The following ANO2 variants were observed in gnomAD, a reference collection of about 807,000 sequenced individuals.
ANO2 encodes the protein anoctamin 2, also known as anoctamin-2.
ANO2 carries 101 observed loss-of-function variants against 124.2 expected under a neutral mutation model. The ratio of observed to expected loss-of-function variants is 0.81; its 90% CI spans 0.69 to 0.96. The LOEUF (loss-of-function observed/expected upper bound fraction) is 0.96, where lower values mean the gene tolerates loss of function less well. Among genes scored for constraint, ANO2 ranks in the 40% least tolerant of loss-of-function variants. The probability of loss-of-function intolerance (pLI) is 0.00; values close to 1 mark genes in which losing one functional copy is unlikely to be tolerated. For synonymous variants in ANO2, 486 were observed against 482.5 expected (o/e 1.01, Z -0.09); for missense variants, 1,293 against 1,274.5 (o/e 1.01, Z -0.22).
chr12:5,798,826 C>G (rs1379033503), intron 10 of ANO2, among the ~76,000 whole-genome samples: 2 of 152,252 alleles, frequency 1.3e-5, no homozygotes, highest in Non-Finnish European at 2.9e-5. Context: ...TCACACAGTG[C>G]TGCCGCCCAA....
intron 6 of ANO2, among the ~76,000 whole-genome samples, chr12:5,828,033 CA>C (rs1954035986): frequency 1.3e-5 from 2 of 152,220 alleles, no homozygotes; most frequent in African/African-American, 2.4e-5. Context: ...CCCGCGCACA[CA>C]TCCCCCGCCC....
At position 5,923,149 on chromosome 12, in the gene ANO2, CAT is replaced by C. The variant is rs1391210179; in HGVS notation, c.23-347_23-346del. On this transcript the variant is annotated intron_variant, in intron 1 of 24. Transcript: ENST00000682330. The stretch of plus-strand genomic sequence containing the variant: ...ACACCCACATACACACACATGCACA[CAT>C]ACACACACGCATACACACACACGCA... Among the ~76,000 whole-genome samples, 10 of 118,882 alleles carry C rather than the reference CAT, an allele frequency of 8.4e-5. 1 individual carries two copies. The highest frequency in any genetic ancestry group is 3.4e-4 in the South Asian group (1 of 2,924). 78.0% of individuals were successfully genotyped at this position (118,882 alleles called of 152,430 possible).
chr12:5,799,265 G>A (rs571423064), intron 10 of ANO2, among the ~76,000 whole-genome samples: 1 of 152,284 alleles, frequency 6.6e-6, no homozygotes, highest in South Asian at 2.1e-4. Flanking sequence ...CAATGTTGAA[G>A]ACCTCAAGGT....
At chr12:5,758,299 G>C (rs1413494316) in intron 10 of ANO2, among the ~76,000 whole-genome samples, 1 of 152,166 alleles carries the variant, frequency 6.6e-6, no homozygotes, top group Non-Finnish European at 1.5e-5. Context: ...ACCAGTAAAG[G>C]ACAGAGTTTA....
At chr12:5,676,280 C>A (rs1048828846) in intron 14 of ANO2, among the ~76,000 whole-genome samples, 1 of 152,222 alleles carries the variant, frequency 6.6e-6, no homozygotes, top group Non-Finnish European at 1.5e-5. Flanking sequence ...ATGAAAAGAA[C>A]ACTCAGCCAT....
chr12:5,726,370 C>T (rs1950440469), intron 14 of ANO2, among the ~76,000 whole-genome samples: 1 of 152,134 alleles, frequency 6.6e-6, no homozygotes, highest in Non-Finnish European at 1.5e-5. Context: ...TGTCTCTCAC[C>T]CATCTTTCCA....
chr12:5,678,794 T>C (rs945149687), intron 14 of ANO2, among the ~76,000 whole-genome samples: 2 of 152,226 alleles, frequency 1.3e-5, no homozygotes, highest in South Asian at 2.1e-4. Context: ...AGCTTAAAAT[T>C]TGCAGATATC....
intron 10 of ANO2, among the ~76,000 whole-genome samples, chr12:5,788,583 C>T (rs879755484): frequency 4.8e-5 from 7 of 145,040 alleles, no homozygotes; most frequent in East Asian, 2.0e-4. Context: ...TTTTTGGAGA[C>T]GGAGTCTAAC....
rs1945407813 is a variant in ANO2 at position 5,626,423 on chromosome 12, G to C, written c.1816+8729C>G. On this transcript the variant is annotated intron_variant, in intron 16 of 24. Transcript: ENST00000682330. ...GGAGAAGACTGTCCTCCCTGGAAGA[G>C]CCCATGCTGTCCAGGCCTGGAGTAC... 2.0e-5 allele frequency among the ~76,000 whole-genome samples: 3 copies of C among 152,236 alleles called. No individual in the cohort carries two copies. In the South Asian group the frequency reaches 6.2e-4, roughly 32 times the overall value.
At chr12:5,697,240 T>C (rs1949218453) in intron 14 of ANO2, among the ~76,000 whole-genome samples, 1 of 152,086 alleles carries the variant, frequency 6.6e-6, no homozygotes, top group South Asian at 2.1e-4. Context: ...AAGACCATCC[T>C]GGCCAACATG....
intron 10 of ANO2, among the ~76,000 whole-genome samples, chr12:5,752,164 A>C (rs537342089): frequency 1.3e-3 from 197 of 152,356 alleles, no homozygotes; most frequent in Non-Finnish European, 2.2e-3. Flanking sequence ...AATTGTGAAT[A>C]ATGCTGCTAT....
intron 10 of ANO2, among the ~76,000 whole-genome samples, chr12:5,756,679 G>C (rs1951592246): frequency 6.6e-6 from 1 of 152,230 alleles, no homozygotes; most frequent in Admixed American, 6.5e-5. Context: ...CTGCTGCTGG[G>C]TATGTGGGCA....
chr12:5,697,550 C>G (rs991388064), intron 14 of ANO2, among the ~76,000 whole-genome samples: 5 of 152,242 alleles, frequency 3.3e-5, no homozygotes, highest in African/African-American at 1.2e-4. Context: ...CGGATGATTT[C>G]TGCATTTCCA....
chr12:5,661,954 A>G (rs1332590779), intron 14 of ANO2, among the ~76,000 whole-genome samples: 3 of 152,222 alleles, frequency 2.0e-5, no homozygotes, highest in Non-Finnish European at 4.4e-5. Context: ...GCATGGTGTC[A>G]ACACAGGATC....
At chr12:5,603,671 C>T (rs1348223465) in intron 19 of ANO2, among the ~76,000 whole-genome samples, 4 of 152,174 alleles carry the variant, frequency 2.6e-5, no homozygotes, top group African/African-American at 7.2e-5. Flanking sequence ...TGAGGCCGGG[C>T]GCAGTGGCTC....
At chr12:5,887,230 G>A (rs1938985437) in intron 3 of ANO2, among the ~76,000 whole-genome samples, 1 of 152,144 alleles carries the variant, frequency 6.6e-6, no homozygotes, top group Admixed American at 6.5e-5. Flanking sequence ...CACACATAAA[G>A]AGGAGATACA....
chr12:5,732,836 C>T, intron 13 of ANO2: 1 of 1,613,824 alleles, frequency 6.2e-7, no homozygotes, highest in Non-Finnish European at 8.5e-7. Flanking sequence ...AAGGGACACA[C>T]AACACTCGTT....
At chr12:5,582,084 T>C (rs1318783006) in intron 20 of ANO2, among the ~76,000 whole-genome samples, 1 of 152,250 alleles carries the variant, frequency 6.6e-6, no homozygotes, top group Non-Finnish European at 1.5e-5. Context: ...TACCGGCTTT[T>C]GCCAACACCA....
chr12:5,674,167 A>G (rs1436898917), intron 14 of ANO2, among the ~76,000 whole-genome samples: 4 of 152,204 alleles, frequency 2.6e-5, no homozygotes, highest in Non-Finnish European at 5.9e-5. Flanking sequence ...AATCCCTGGG[A>G]ATTTGCTGTT....
Sources: gnomAD v4.1 joint callset for allele counts (sites outside exome capture counted in the v4.1 genomes callset) on GRCh38, gnomAD v4.1.1 for gene constraint, MANE v1.5 for transcripts, NCBI Gene and HGNC (gene_info 2026-07-23, HGNC 2026-07-21) for gene names.